MASTL: variants seen among roughly 807,000 people sequenced by gnomAD.
The protein encoded by MASTL is serine/threonine-protein kinase greatwall.
MASTL carries 54 observed loss-of-function variants against 82.5 expected under a neutral mutation model. That is an observed-to-expected ratio of 0.65 (90% CI 0.53 to 0.82). The LOEUF (loss-of-function observed/expected upper bound fraction) is 0.82. MASTL is among the 40% of genes least tolerant of loss of function. The probability of loss-of-function intolerance (pLI) is 0.00; values close to 1 mark genes in which losing one functional copy is unlikely to be tolerated. For synonymous variants in MASTL, 323 were observed against 368.9 expected (o/e 0.88, Z 1.43); for missense variants, 950 against 1,047.8 (o/e 0.91, Z 1.29).
At chr10:27,167,388 C>T in intron 7 of MASTL, 114 bp downstream of exon 7, 1 of 860,824 alleles carries the variant, frequency 1.2e-6, no homozygotes, top group Non-Finnish European at 1.9e-6. Context: ...ACATGAATGG[C>T]AGTCATAGTA....
chr10:27,170,634 G>A lies in MASTL; in HGVS notation c.1675G>A (p.Asp559Asn), dbSNP rs760390710. 1.9e-6 allele frequency: 3 copies of A among 1,607,684 alleles called. No homozygotes were observed. In the Admixed American group the frequency reaches 5.1e-5, roughly 27 times the overall value. Residue 559 changes from aspartate to asparagine, a missense_variant, in exon 8 of 12, where the codon GAT (aspartate) becomes AAT (asparagine). Coordinates refer to ENST00000375940, the MANE Select transcript of MASTL (RefSeq NM_001172303.3). Reference protein sequence around the residue: ...LSSSFLCSDDDRASKNISMNS... With the variant: ...LSSSFLCSDDNRASKNISMNS... ...TTCTAGTTTTCTATGTTCTGATGAT[G>A]ATAGAGCTTCTAAAAATATTTCTAT...
chr10:27,187,855 G>C lies in MASTL; in HGVS notation c.*1319G>C, dbSNP rs2058862367. On this transcript the variant is annotated 3_prime_UTR_variant, in exon 12 of 12. Transcript: ENST00000375940. ...AAAATGTGATGCTTTACATCTTATT[G>C]TCATTTATTTAAAACATGCAACATT... Among the ~76,000 whole-genome samples, 1 of 151,840 alleles carries C rather than the reference G, an allele frequency of 6.6e-6. No individual in the cohort carries two copies. The highest frequency in any genetic ancestry group is 2.1e-4 in the South Asian group (1 of 4,820).
intron 9 of MASTL, among the ~76,000 whole-genome samples, chr10:27,179,884 G>A (rs2058218162): frequency 6.6e-6 from 1 of 152,170 alleles, no homozygotes; most frequent in Non-Finnish European, 1.5e-5. Context: ...ATGAAATTGA[G>A]TAGTAGTCTG....
intron 9 of MASTL, among the ~76,000 whole-genome samples, chr10:27,174,750 GTCAT>G (rs916524823): frequency 2.0e-4 from 31 of 152,202 alleles, no homozygotes; most frequent in African/African-American, 7.5e-4. Flanking sequence ...AAGGACACCA[GTCAT>G]TAGGAGCCCA....
intron 9 of MASTL, among the ~76,000 whole-genome samples, chr10:27,177,299 T>G (rs2058132273): frequency 6.6e-6 from 1 of 152,218 alleles, no homozygotes; most frequent in Admixed American, 6.6e-5. Context: ...CTATGAGCAC[T>G]GATTTTTATA....
In MASTL at chr10:27,171,003, G is replaced by A; in HGVS notation, c.2044G>A (p.Asp682Asn). 6.2e-7 allele frequency: 1 copy of A among 1,614,058 alleles called. No homozygotes were observed. The highest frequency in any genetic ancestry group is 1.1e-5 in the South Asian group (1 of 91,084). ...RMNMTSLDAMDISCAYSGSYP... is the reference protein window; with the variant it reads ...RMNMTSLDAMNISCAYSGSYP... The stretch of plus-strand genomic sequence containing the variant: ...GAACATGACTTCTTTAGATGCAATG[G>A]ATATTTCGTGTGCCTACAGTGGTTC... The change falls in exon 8 of 12, where the codon GAT becomes AAT. Residue 682 changes from aspartate to asparagine, a missense_variant. By Grantham distance (23) the Asp-to-Asn change is conservative (BLOSUM62 1). Coordinates refer to ENST00000375940, the MANE Select transcript of MASTL (RefSeq NM_001172303.3).
At chr10:27,178,359 GC>G (rs2058167203) in intron 9 of MASTL, among the ~76,000 whole-genome samples, 1 of 143,794 alleles carries the variant, frequency 7.0e-6, no homozygotes, top group Non-Finnish European at 1.5e-5. Flanking sequence ...TTACACCACT[GC>G]ACTCCAGCCT....
chr10:27,159,522 G>T lies in MASTL; in HGVS notation c.325-97G>T. 1 of 827,754 alleles carries T rather than the reference G, an allele frequency of 1.2e-6. No individual in the cohort carries two copies. The highest frequency in any genetic ancestry group is 2.6e-5 in the East Asian group (1 of 38,224). The allele number at this position is 827,754 out of a possible 1,614,324, so 51.3% of individuals were successfully genotyped here. A position where few individuals can be genotyped will look rare whatever the true frequency, so the allele number is the denominator to read the frequency against. On this transcript the variant is annotated intron_variant, in intron 2 of 11. Transcript: ENST00000375940. This position sits in a 1 kb window ranked among gnomAD's most constrained non-coding sequence, Gnocchi z 4.0. ...AGCAAGAAAAGGTCGTTTCATTACA[G>T]AGCCATGCCAAATATTGTAACTGTA... is the stretch of plus-strand genomic sequence containing the variant.
At chr10:27,180,912 G>A in intron 9 of MASTL, 41 bp from the exon 10 acceptor site, 1 of 1,240,492 alleles carries the variant, frequency 8.1e-7, no homozygotes, top group South Asian at 1.2e-5. Flanking sequence ...AATATTTGTA[G>A]AGAATGCTTG....
chr10:27,179,430 G>C (rs534145079), intron 9 of MASTL, among the ~76,000 whole-genome samples: 2 of 152,210 alleles, frequency 1.3e-5, no homozygotes, highest in South Asian at 4.2e-4. Flanking sequence ...GGTGGCAGGC[G>C]CCTGTAGTCC....
At chr10:27,169,452 C>T (rs778145606) in intron 7 of MASTL, among the ~76,000 whole-genome samples, 2 of 151,894 alleles carry the variant, frequency 1.3e-5, no homozygotes, top group Non-Finnish European at 2.9e-5. Context: ...CCCCTGTAAT[C>T]CCAGCTACTT....
At chr10:27,182,120 G>A (rs1564506834) in intron 11 of MASTL, among the ~76,000 whole-genome samples, 1 of 150,708 alleles carries the variant, frequency 6.6e-6, no homozygotes, top group Non-Finnish European at 1.5e-5. Context: ...GCGTGGTGGC[G>A]TGCACCTGTA....
rs570756825 is a variant in MASTL at position 27,172,601 on chromosome 10, C to T, written c.2125-517C>T. ...CCTGGGAGGCGGAGGTTGTGGTGAG[C>T]CGAGATCGCACCACTGCACTCCAGC... On this transcript the variant is annotated intron_variant, in intron 8 of 11. Coordinates refer to ENST00000375940, the MANE Select transcript of MASTL (RefSeq NM_001172303.3). Among the ~76,000 whole-genome samples, 5 of 152,188 alleles carry T rather than the reference C, an allele frequency of 3.3e-5. No individual in the cohort carries two copies. In the South Asian group the frequency reaches 1.0e-3, roughly 32 times the overall value.
At chr10:27,156,829 A>ATTT (rs10660334) in intron 1 of MASTL, among the ~76,000 whole-genome samples, 3,833 of 122,322 alleles carry the variant, frequency 0.031, 143 homozygotes, top group African/African-American at 0.074. Flanking sequence ...CCTGCTATGA[A>ATTT]TTTTTTTTTT....
rs374258673 is a variant in MASTL, at chr10:27,155,545, C to A, written c.119C>A (p.Pro40His). 2.7e-5 allele frequency: 43 copies of A among 1,614,050 alleles called. No homozygotes were observed. Among genetic ancestry groups the A allele is most frequent in the Non-Finnish European group, 3.5e-5 (41 of 1,180,028 alleles). ...ATTGAGGAATTCAGCATAGTGAAGC[C>A]CATTAGCCGGGGCGCCTTCGGGAAA... ...PSIEEFSIVK[P>H]ISRGAFGKVY... The change falls in exon 1 of 12, where the codon CCC (proline) becomes CAC (histidine). Residue 40 changes from proline (P) to histidine (H), a missense_variant. Transcript: ENST00000375940.
chr10:27,174,353 TA>T (rs964816834), intron 9 of MASTL, among the ~76,000 whole-genome samples: 1 of 150,918 alleles, frequency 6.6e-6, no homozygotes, highest in Non-Finnish European at 1.5e-5. Context: ...AGACTCTGTC[TA>T]AAAAAAAATA....
upstream of MASTL, chr10:27,155,282 G>C (rs1241696001): frequency 2.6e-6 from 2 of 763,296 alleles, no homozygotes; most frequent in Non-Finnish European, 4.2e-6. Flanking sequence ...CGTCTGCGTA[G>C]GGGAGGTGAC....
chr10:27,182,405 C>CA (rs1481933111), intron 11 of MASTL, among the ~76,000 whole-genome samples: 8 of 151,746 alleles, frequency 5.3e-5, no homozygotes, highest in African/African-American at 1.7e-4. Context: ...GTAGAAGAGG[C>CA]AAAAAAAATT....
intron 1 of MASTL, among the ~76,000 whole-genome samples, chr10:27,156,243 C>T (rs1588636019): frequency 6.6e-6 from 1 of 152,176 alleles, no homozygotes; most frequent in South Asian, 2.1e-4. Flanking sequence ...CCAGGATGGT[C>T]TCGATTCCCT....
Sources: allele counts gnomAD v4.1 joint callset (sites outside exome capture counted in the v4.1 genomes callset), GRCh38; gene constraint gnomAD v4.1.1; non-coding constraint Gnocchi (gnomAD v3.1); transcripts MANE v1.5; gene names NCBI Gene and HGNC (gene_info 2026-07-23, HGNC 2026-07-21).